The following CGGBP1 variants were observed in gnomAD, a reference collection of about 807,000 sequenced individuals.
CGGBP1 encodes CGG triplet repeat binding protein 1.
In CGGBP1, 4 loss-of-function variants were observed where a neutral mutation model predicts 11.4. That is an observed-to-expected ratio of 0.35 (90% CI 0.17 to 0.80). The LOEUF (loss-of-function observed/expected upper bound fraction) is 0.80. Among genes scored for constraint, CGGBP1 ranks in the 30% least tolerant of loss-of-function variants. The probability of loss-of-function intolerance (pLI) is 0.52; values close to 1 mark genes in which losing one functional copy is unlikely to be tolerated. For synonymous variants in CGGBP1, 76 were observed against 74.1 expected (o/e 1.03, Z -0.13); for missense variants, 135 against 202.1 (o/e 0.67, Z 2.01).
At chr3:88,062,716 T>C (rs1425986955), upstream of CGGBP1, among the ~76,000 whole-genome samples, 1 of 152,210 alleles carries the variant, frequency 6.6e-6, no homozygotes, top group Non-Finnish European at 1.5e-5. Context: ...CTTTGATATG[T>C]TGATTGAAAT....
chr3:88,149,803 TA>T, exon 1 of CGGBP1: 1 of 493,134 alleles, frequency 2.0e-6, no homozygotes, highest in Non-Finnish European at 3.7e-6. Context: ...GTTCTCCATA[TA>T]AACCCAGCAC....
chr3:88,060,434 C>T (rs1029267190), upstream of CGGBP1, among the ~76,000 whole-genome samples: 1 of 152,130 alleles, frequency 6.6e-6, no homozygotes, highest in African/African-American at 2.4e-5. Context: ...GTAATTTAAA[C>T]GGTTTGTTCC....
At chr3:88,078,526 T>C (rs1235338956) in intron 2 of CGGBP1, among the ~76,000 whole-genome samples, 1 of 152,114 alleles carries the variant, frequency 6.6e-6, no homozygotes, top group African/African-American at 2.4e-5. Flanking sequence ...TAGGGGCAAA[T>C]ATTCTGTTTT....
At chr3:88,056,898 C>A (rs1212304681) in intron 3 of CGGBP1, 7 of 152,134 alleles carry the variant, frequency 4.6e-5, no homozygotes, top group African/African-American at 7.2e-5. Context: ...CCTAATAACA[C>A]ACTTTTATGA....
intron 3 of CGGBP1, chr3:88,056,907 G>A (rs1026932657): frequency 6.6e-6 from 1 of 152,080 alleles, no homozygotes; most frequent in African/African-American, 2.4e-5. Context: ...ACACTTTTAT[G>A]AGCACTGCAC....
At chr3:88,121,178 A>C (rs1705747950) in intron 2 of CGGBP1, among the ~76,000 whole-genome samples, 1 of 152,170 alleles carries the variant, frequency 6.6e-6, no homozygotes, top group African/African-American at 2.4e-5. Flanking sequence ...TGCTCAGTTT[A>C]AAATGCCTTC....
intron 2 of CGGBP1, among the ~76,000 whole-genome samples, chr3:88,074,389 TGGAGTGCAGTG>T (rs1707684896): frequency 6.7e-6 from 1 of 148,250 alleles, no homozygotes; most frequent in Admixed American, 6.9e-5. Flanking sequence ...TCGCCCAGGC[TGGAGTGCAGTG>T]GCTTGATCTC....
intron 2 of CGGBP1, among the ~76,000 whole-genome samples, chr3:88,071,204 C>T (rs1003947528): frequency 3.9e-5 from 6 of 152,174 alleles, no homozygotes; most frequent in Non-Finnish European, 7.3e-5. Context: ...ATTATTATCT[C>T]GTTTCTTAAA....
chr3:88,099,143 G>T (rs1233311509), intron 2 of CGGBP1, among the ~76,000 whole-genome samples: 2 of 152,114 alleles, frequency 1.3e-5, no homozygotes, highest in Non-Finnish European at 2.9e-5. Context: ...AAAGTCTCAG[G>T]ATACAAAATC....
Position 88,096,652 on chromosome 3 carries a change from G to C in CGGBP1, c.-228-38429C>G, listed in dbSNP as rs567773940. Among the ~76,000 whole-genome samples the C allele has an allele frequency of 2.0e-5, 3 of 152,066 alleles. No individual in the cohort carries two copies. In the South Asian group the frequency reaches 6.2e-4, roughly 32 times the overall value. On this transcript the variant is annotated intron_variant, in intron 2 of 3. Transcript: ENST00000462901. ...TGATGAAAAATCTGCTTTTTATCTGGTTCCATGTATATAATGTACCCTTTT... is the reference window on the plus strand; with the variant it reads ...TGATGAAAAATCTGCTTTTTATCTGCTTCCATGTATATAATGTACCCTTTT...
chr3:88,124,662 T>C (rs1403354691), intron 2 of CGGBP1, among the ~76,000 whole-genome samples: 1 of 152,210 alleles, frequency 6.6e-6, no homozygotes, highest in East Asian at 1.9e-4. Context: ...TTTTTTTAAA[T>C]TCTGAAGCTT....
At chr3:88,059,439 T>A (rs1247840831), upstream of CGGBP1, 12 of 1,521,072 alleles carry the variant, frequency 7.9e-6, no homozygotes, top group African/African-American at 1.5e-4. Flanking sequence ...GAGGCGGCGC[T>A]GGCAGCGGCA....
intron 2 of CGGBP1, among the ~76,000 whole-genome samples, chr3:88,115,762 G>A (rs1203248156): frequency 6.6e-6 from 1 of 152,032 alleles, no homozygotes; most frequent in African/African-American, 2.4e-5. Context: ...TTTACTTCCA[G>A]TAGTTTTTGT....
intron 2 of CGGBP1, among the ~76,000 whole-genome samples, chr3:88,126,579 CTTT>C (rs144091813): frequency 0.016 from 1,308 of 81,786 alleles, 12 homozygotes; most frequent in African/African-American, 0.045. Context: ...GTAGAAACAT[CTTT>C]TTTTTTTTTT....
At chr3:88,147,465 A>G (rs1707331005) in intron 1 of CGGBP1, among the ~76,000 whole-genome samples, 1 of 152,200 alleles carries the variant, frequency 6.6e-6, no homozygotes, top group Non-Finnish European at 1.5e-5. Flanking sequence ...GGAACCACTG[A>G]CTAGTCTGGA....
At chr3:88,093,885 T>G (rs755095866) in intron 2 of CGGBP1, among the ~76,000 whole-genome samples, 1 of 152,270 alleles carries the variant, frequency 6.6e-6, no homozygotes, top group Non-Finnish European at 1.5e-5. Context: ...CAAAAGGTGT[T>G]TGTATTGTAG....
intron 3 of CGGBP1, 45 bp from the exon 4 acceptor site, chr3:88,056,044 C>G: frequency 1.4e-6 from 2 of 1,413,888 alleles, no homozygotes; most frequent in Non-Finnish European, 1.9e-6. Flanking sequence ...AACAACAGTT[C>G]ATTCTGGAAG....
intron 2 of CGGBP1, among the ~76,000 whole-genome samples, chr3:88,089,199 A>G (rs1390316617): frequency 2.0e-5 from 3 of 151,448 alleles, no homozygotes; most frequent in African/African-American, 7.3e-5. Context: ...ATTAAAAAAA[A>G]AAAAAAAAAA....
chr3:88,123,370 G>A (rs1448308520), intron 2 of CGGBP1, among the ~76,000 whole-genome samples: 2 of 152,108 alleles, frequency 1.3e-5, no homozygotes, highest in African/African-American at 4.8e-5. Flanking sequence ...TTTTATCTTA[G>A]AAAAATGAAT....
Sources: gnomAD v4.1 joint callset for allele counts (sites outside exome capture counted in the v4.1 genomes callset) on GRCh38, gnomAD v4.1.1 for gene constraint, MANE v1.5 for transcripts, NCBI Gene and HGNC (gene_info 2026-07-23, HGNC 2026-07-21) for gene names.